TMEM117: variants seen among roughly 807,000 people sequenced by gnomAD.
TMEM117 encodes the protein transmembrane protein 117.
Under a neutral mutation model 52.4 loss-of-function variants are expected in TMEM117, and 27 were observed. That is an observed-to-expected ratio of 0.51 (90% CI 0.38 to 0.71). TMEM117 has a LOEUF of 0.71. TMEM117 is among the 30% of genes least tolerant of loss of function. The pLI, the probability that TMEM117 is intolerant of heterozygous loss-of-function variation, is 0.00. For synonymous variants in TMEM117, 215 were observed against 206.3 expected (o/e 1.04, Z -0.36); for missense variants, 556 against 630.5 (o/e 0.88, Z 1.26).
intron 4 of TMEM117, among the ~76,000 whole-genome samples, chr12:44,153,876 A>G (rs1948789409): frequency 6.6e-6 from 1 of 152,062 alleles, no homozygotes; most frequent in African/African-American, 2.4e-5. Context: ...TTGTTGCTTC[A>G]TAAAAGCTTC....
At chr12:44,129,124 G>C (rs983174160) in intron 3 of TMEM117, among the ~76,000 whole-genome samples, 1 of 152,212 alleles carries the variant, frequency 6.6e-6, no homozygotes, top group Non-Finnish European at 1.5e-5. Flanking sequence ...CTCAGCATGA[G>C]TGTTGTCCCT....
chr12:44,114,636 A>G (rs374704988), intron 3 of TMEM117, among the ~76,000 whole-genome samples: 1 of 152,174 alleles, frequency 6.6e-6, no homozygotes, highest in Non-Finnish European at 1.5e-5. Context: ...TTCTCCATCT[A>G]GTCAGTGAGG....
At chr12:44,048,985 T>C (rs1042777340) in intron 3 of TMEM117, among the ~76,000 whole-genome samples, 4 of 152,206 alleles carry the variant, frequency 2.6e-5, no homozygotes, top group Admixed American at 6.5e-5. Flanking sequence ...TTAGGAAATA[T>C]GTCTGAAATG....
intron 2 of TMEM117, among the ~76,000 whole-genome samples, chr12:43,910,212 T>G (rs2137529853): frequency 6.6e-6 from 1 of 151,744 alleles, no homozygotes; most frequent in African/African-American, 2.4e-5. Context: ...ATAAATGTAA[T>G]CCAGCATATA....
intron 6 of TMEM117, among the ~76,000 whole-genome samples, chr12:44,343,213 A>G (rs753251196): frequency 3.4e-4 from 51 of 152,120 alleles, no homozygotes; most frequent in South Asian, 1.0e-3. Flanking sequence ...TTGGCCTCCC[A>G]AAGTGCTGGG....
rs1432111767 is a variant in TMEM117 at position 44,098,325 on chromosome 12, C to A, written c.411-45200C>A. Among the ~76,000 whole-genome samples the A allele has an allele frequency of 3.9e-5, 6 of 152,062 alleles. No homozygotes were observed. In the East Asian group the frequency reaches 1.2e-3, roughly 29 times the overall value. On this transcript the variant is annotated intron_variant, in intron 3 of 7. Coordinates refer to ENST00000266534, the MANE Select transcript of TMEM117 (RefSeq NM_032256.3). ...TCCGGGAGAGAGGCTGCCAGTGATA[C>A]TGTTCTCCACTTTCCAGAACATCTC...
chr12:44,231,670 T>A (rs2138453568), intron 5 of TMEM117, among the ~76,000 whole-genome samples: 1 of 151,926 alleles, frequency 6.6e-6, no homozygotes, highest in East Asian at 1.9e-4. Flanking sequence ...CGGTGGTTGT[T>A]CAGTAACATC....
chr12:43,984,673 A>G (rs1282771354), intron 3 of TMEM117, among the ~76,000 whole-genome samples: 1 of 152,230 alleles, frequency 6.6e-6, no homozygotes, highest in African/African-American at 2.4e-5. Flanking sequence ...TACAAGAGAC[A>G]CTTAAACAAT....
chr12:44,141,811 T>C (rs1948574836), intron 3 of TMEM117, among the ~76,000 whole-genome samples: 2 of 152,150 alleles, frequency 1.3e-5, no homozygotes, highest in Admixed American at 1.3e-4. Flanking sequence ...GCCACTTTGA[T>C]TGGTGAATTC....
chr12:43,927,316 G>A (rs1944795407), intron 2 of TMEM117, among the ~76,000 whole-genome samples: 1 of 151,942 alleles, frequency 6.6e-6, no homozygotes, highest in Non-Finnish European at 1.5e-5. Context: ...CAATTTTAAA[G>A]CTTCCAATGC....
chr12:43,872,742 G>A (rs1363525384), intron 2 of TMEM117, among the ~76,000 whole-genome samples: 1 of 152,194 alleles, frequency 6.6e-6, no homozygotes, highest in African/African-American at 2.4e-5. Context: ...CCATCAAGTA[G>A]TGTGTCGTGC....
intron 5 of TMEM117, among the ~76,000 whole-genome samples, chr12:44,215,863 C>T (rs1949709809): frequency 6.6e-6 from 1 of 152,014 alleles, no homozygotes; most frequent in South Asian, 2.1e-4. Flanking sequence ...AAGAGGATTT[C>T]ACCTTTCTCC....
At chr12:44,242,645 A>C (rs192514007) in intron 5 of TMEM117, among the ~76,000 whole-genome samples, 2 of 147,722 alleles carry the variant, frequency 1.4e-5, no homozygotes, top group East Asian at 3.9e-4. Context: ...TATTCTATCT[A>C]TATATATTAT....
the TMEM117 span, among the ~76,000 whole-genome samples, chr12:43,815,162 AGGTGATGTTG>A: frequency 6.6e-6 from 1 of 152,224 alleles, no homozygotes; most frequent in African/African-American, 2.4e-5. Flanking sequence ...AACATCTTGC[AGGTGATGTTG>A]GGTTTTAAGG....
chr12:44,386,273 T>C (rs191533101), intron 7 of TMEM117, among the ~76,000 whole-genome samples: 2 of 152,290 alleles, frequency 1.3e-5, no homozygotes, highest in African/African-American at 4.8e-5. Flanking sequence ...GAGTCTGTTA[T>C]GGTTGATCTT....
chr12:43,816,997 T>C, the TMEM117 span, among the ~76,000 whole-genome samples: 1 of 152,258 alleles, frequency 6.6e-6, no homozygotes, highest in East Asian at 1.9e-4. Flanking sequence ...CCTAGCTCTT[T>C]GAGCCATCAA....
At chr12:44,219,930 TCAGA>T (rs1949766347) in intron 5 of TMEM117, among the ~76,000 whole-genome samples, 1 of 152,148 alleles carries the variant, frequency 6.6e-6, no homozygotes, top group Non-Finnish European at 1.5e-5. Context: ...ATCTATGTGT[TCAGA>T]CAAACATGAA....
intron 3 of TMEM117, among the ~76,000 whole-genome samples, chr12:43,947,364 A>G (rs866795432): frequency 4.6e-4 from 70 of 152,248 alleles, no homozygotes; most frequent in African/African-American, 1.6e-3. Context: ...TAAAAATTAA[A>G]TCACCATTTA....
chr12:43,800,867 C>T, the TMEM117 span, among the ~76,000 whole-genome samples: 1 of 152,144 alleles, frequency 6.6e-6, no homozygotes, highest in African/African-American at 2.4e-5. Flanking sequence ...TCTCCTGCCT[C>T]AGCCTCCCGA....
Sources: gnomAD v4.1 joint callset for allele counts (sites outside exome capture counted in the v4.1 genomes callset) on GRCh38, gnomAD v4.1.1 for gene constraint, MANE v1.5 for transcripts, NCBI Gene and HGNC (gene_info 2026-07-23, HGNC 2026-07-21) for gene names.